CACNG2: variants seen among roughly 807,000 people sequenced by gnomAD.
CACNG2 encodes voltage-dependent calcium channel gamma-2 subunit.
In CACNG2, 3 loss-of-function variants were observed where a neutral mutation model predicts 25.9. That is an observed-to-expected ratio of 0.12 (90% CI 0.05 to 0.30). CACNG2 has a LOEUF of 0.30. Among genes scored for constraint, CACNG2 ranks in the 10% least tolerant of loss-of-function variants. The pLI, the probability that CACNG2 is intolerant of heterozygous loss-of-function variation, is 1.00. For synonymous variants in CACNG2, 167 were observed against 173.3 expected (o/e 0.96, Z 0.29); for missense variants, 341 against 432.5 (o/e 0.79, Z 1.88).
intron 1 of CACNG2, among the ~76,000 whole-genome samples, chr22:36,664,683 T>C (rs1356788655): frequency 6.6e-6 from 1 of 152,028 alleles, no homozygotes; most frequent in African/African-American, 2.4e-5. Context: ...GGTGGTGCAG[T>C]TGGGGAGGAA....
At chr22:36,576,308 T>C (rs1184878227) in intron 2 of CACNG2, among the ~76,000 whole-genome samples, 1 of 152,086 alleles carries the variant, frequency 6.6e-6, no homozygotes, top group Admixed American at 6.6e-5. Flanking sequence ...TTCTCACTCA[T>C]AAGTGGGAGC....
At chr22:36,702,038 G>A (rs1327305272) in intron 1 of CACNG2, among the ~76,000 whole-genome samples, 2 of 151,998 alleles carry the variant, frequency 1.3e-5, no homozygotes, top group African/African-American at 2.4e-5. Context: ...ATGCTAAATC[G>A]GATGGTAAAT....
chr22:36,702,379 G>T lies in CACNG2; in HGVS notation c.198C>A (p.Thr66=). Residue 66 remains threonine, a synonymous_variant, in exon 1 of 4, where the codon ACC becomes ACA. Coordinates refer to ENST00000300105, the MANE Select transcript of CACNG2 (RefSeq NM_006078.5). ...GAAGTCAAGTACCTTCTAGGCAGCA[G>T]GTTCTCCATAATCCGGAATGGGTCA... ...EVMTHSGLWR[T]CCLEGNFKGL... The T allele has an allele frequency of 6.2e-7, 1 of 1,613,432 alleles. No homozygotes were observed. The highest frequency in any genetic ancestry group is 8.5e-7 in the Non-Finnish European group (1 of 1,179,532).
intron 1 of CACNG2, among the ~76,000 whole-genome samples, chr22:36,701,306 C>T (rs539727481): frequency 5.9e-4 from 90 of 152,296 alleles, no homozygotes; most frequent in East Asian, 1.2e-3. Flanking sequence ...CAAATGCAGT[C>T]CCTCATACTA....
At chr22:36,632,042 C>T (rs185056498) in intron 1 of CACNG2, among the ~76,000 whole-genome samples, 55 of 152,196 alleles carry the variant, frequency 3.6e-4, no homozygotes, top group Non-Finnish European at 6.0e-4. Context: ...TTGAAGAACA[C>T]GCCACACTGT....
At chr22:36,691,544 T>G (rs1288840993) in intron 1 of CACNG2, among the ~76,000 whole-genome samples, 1 of 152,298 alleles carries the variant, frequency 6.6e-6, no homozygotes, top group Non-Finnish European at 1.5e-5. Flanking sequence ...GAAGTTTATT[T>G]ATAGACTTGG....
At chr22:36,581,246 C>T (rs987935788) in intron 2 of CACNG2, among the ~76,000 whole-genome samples, 33 of 152,034 alleles carry the variant, frequency 2.2e-4, no homozygotes, top group African/African-American at 4.3e-4. Context: ...TTATGGAGGC[C>T]GGGGTAGTGA....
chr22:36,680,267 C>CTTT (rs1423108892), intron 1 of CACNG2, among the ~76,000 whole-genome samples: 6 of 149,284 alleles, frequency 4.0e-5, no homozygotes, highest in African/African-American at 2.5e-5. Context: ...AACACCACCA[C>CTTT]CATCACCACC....
At chr22:36,628,643 C>T (rs1936221625) in intron 1 of CACNG2, among the ~76,000 whole-genome samples, 1 of 152,070 alleles carries the variant, frequency 6.6e-6, no homozygotes, top group Non-Finnish European at 1.5e-5. Context: ...AATAAATGTC[C>T]TCAGCTTGGT....
intron 2 of CACNG2, among the ~76,000 whole-genome samples, chr22:36,579,097 AGGCTG>A (rs1935371588): frequency 6.6e-6 from 1 of 152,090 alleles, no homozygotes; most frequent in African/African-American, 2.4e-5. Context: ...TCTCCCATCC[AGGCTG>A]TCAGTAAAAG....
At chr22:36,646,213 T>G (rs1169032406) in intron 1 of CACNG2, among the ~76,000 whole-genome samples, 5 of 152,208 alleles carry the variant, frequency 3.3e-5, no homozygotes, top group Admixed American at 3.3e-4. Flanking sequence ...GAAATAACTA[T>G]TTTATGGGTA....
intron 1 of CACNG2, among the ~76,000 whole-genome samples, chr22:36,612,384 A>G (rs1487737137): frequency 6.6e-6 from 1 of 152,240 alleles, no homozygotes; most frequent in African/African-American, 2.4e-5. Context: ...GGTGCCTGGC[A>G]CATAGTAGAT....
At chr22:36,629,823 G>A (rs535222596) in intron 1 of CACNG2, among the ~76,000 whole-genome samples, 2 of 152,256 alleles carry the variant, frequency 1.3e-5, no homozygotes, top group African/African-American at 2.4e-5. Flanking sequence ...TATATTCTAG[G>A]GGAACAGAGA....
At chr22:36,607,953 G>A (rs547463091) in intron 1 of CACNG2, among the ~76,000 whole-genome samples, 1 of 152,286 alleles carries the variant, frequency 6.6e-6, no homozygotes, top group South Asian at 2.1e-4. Context: ...AGGTAGACCC[G>A]AGACTAGGGT....
At chr22:36,686,224 G>A (rs577066375) in intron 1 of CACNG2, among the ~76,000 whole-genome samples, 114 of 152,172 alleles carry the variant, frequency 7.5e-4, no homozygotes, top group African/African-American at 2.5e-3. Flanking sequence ...ATGTCAAAAC[G>A]GACACCAGGG....
chr22:36,563,241 A>C lies in CACNG2; in HGVS notation c.*1110T>G, dbSNP rs931207050. 3.3e-5 allele frequency among the ~76,000 whole-genome samples: 5 copies of C among 152,084 alleles called. No homozygotes were observed. Among genetic ancestry groups the C allele is most frequent in the African/African-American group, 1.2e-4 (5 of 41,422 alleles). ...GCATCAGTGAGTCCAAGGACCCCCA[A>C]AGGGTCAATGAACCCCCTTCCCAGG... On this transcript the variant is annotated 3_prime_UTR_variant, in exon 4 of 4. Coordinates refer to ENST00000300105, the MANE Select transcript of CACNG2 (RefSeq NM_006078.5).
chr22:36,679,850 G>A (rs1661987275), intron 1 of CACNG2, among the ~76,000 whole-genome samples: 2 of 152,078 alleles, frequency 1.3e-5, no homozygotes. Context: ...CACGTTAAAG[G>A]TTTTGGACAC....
chr22:36,624,100 G>A (rs1029871947), intron 1 of CACNG2, among the ~76,000 whole-genome samples: 2 of 152,174 alleles, frequency 1.3e-5, no homozygotes, highest in Admixed American at 6.5e-5. Flanking sequence ...GGACCTTGTT[G>A]CCTTTGAGCT....
At chr22:36,586,433 C>T (rs1416604550) in intron 2 of CACNG2, among the ~76,000 whole-genome samples, 1 of 152,184 alleles carries the variant, frequency 6.6e-6, no homozygotes, top group East Asian at 1.9e-4. Flanking sequence ...CTAAAAATTG[C>T]ATCGTGTTCC....
Sources: gnomAD v4.1 joint callset for allele counts (sites outside exome capture counted in the v4.1 genomes callset) on GRCh38, gnomAD v4.1.1 for gene constraint, MANE v1.5 for transcripts, NCBI Gene and HGNC (gene_info 2026-07-23, HGNC 2026-07-21) for gene names.